KLRD1: variants seen among roughly 807,000 people sequenced by gnomAD.
KLRD1 encodes the protein natural killer cells antigen CD94.
A neutral mutation model predicts 22.6 loss-of-function variants in KLRD1; 21 were observed. That is an observed-to-expected ratio of 0.93 (90% CI 0.66 to 1.34). KLRD1 has a LOEUF of 1.34. Among genes scored for constraint, KLRD1 ranks in the 40% most tolerant of loss-of-function variants. The probability of loss-of-function intolerance (pLI) is 0.00; values close to 1 mark genes in which losing one functional copy is unlikely to be tolerated. For synonymous variants in KLRD1, 59 were observed against 71.1 expected (o/e 0.83, Z 0.85); for missense variants, 183 against 208.6 (o/e 0.88, Z 0.76).
chr12:10,241,338 A>G (rs1949239445), intron 1 of KLRD1, among the ~76,000 whole-genome samples: 1 of 152,200 alleles, frequency 6.6e-6, no homozygotes, highest in African/African-American at 2.4e-5. Context: ...TAATTAATGA[A>G]TAAACTCAGG....
At chr12:10,268,365 A>G (rs1949518975) in intron 1 of KLRD1, among the ~76,000 whole-genome samples, 1 of 152,202 alleles carries the variant, frequency 6.6e-6, no homozygotes, top group African/African-American at 2.4e-5. Context: ...AGTAAGGACC[A>G]GGGCTGGGAA....
chr12:10,248,914 C>G (rs1404587375), intron 1 of KLRD1, among the ~76,000 whole-genome samples: 1 of 151,884 alleles, frequency 6.6e-6, no homozygotes, highest in Non-Finnish European at 1.5e-5. Context: ...ATACTTTCCG[C>G]TTGATGATTG....
intron 1 of KLRD1, among the ~76,000 whole-genome samples, chr12:10,271,551 G>A (rs1023436250): frequency 2.0e-5 from 3 of 152,052 alleles, no homozygotes; most frequent in African/African-American, 7.2e-5. Context: ...TGAATCTAGA[G>A]TTTTAAATGG....
upstream of KLRD1, chr12:10,307,733 C>G: frequency 4.9e-6 from 1 of 204,054 alleles, no homozygotes; most frequent in Middle Eastern, 1.7e-3. Flanking sequence ...AAAAACAAAA[C>G]AGCAACAAAA....
chr12:10,256,042 C>T (rs963836576), intron 1 of KLRD1, among the ~76,000 whole-genome samples: 9 of 151,956 alleles, frequency 5.9e-5, no homozygotes, highest in Non-Finnish European at 8.8e-5. Flanking sequence ...GTGATTTATT[C>T]TTGAGGAATT....
chr12:10,282,863 A>T (rs1565458449), intron 1 of KLRD1, among the ~76,000 whole-genome samples: 1 of 152,176 alleles, frequency 6.6e-6, no homozygotes, highest in African/African-American at 2.4e-5. Context: ...CTAAGACTGA[A>T]TGGTTTGTTT....
At position 10,316,466 on chromosome 12, in the gene KLRD1, A is replaced by G. The variant is rs1950232366; in HGVS notation, c.*1673A>G. On this transcript the variant is annotated 3_prime_UTR_variant, in exon 6 of 6. Coordinates refer to ENST00000336164, the MANE Select transcript of KLRD1 (RefSeq NM_002262.5). Reference sequence around the variant, plus strand: ...TGCCCAGGCTGTAGTGCAATGATGCAATCATGGTTCACTGCAGCTTCAACT... The same window carrying G: ...TGCCCAGGCTGTAGTGCAATGATGCGATCATGGTTCACTGCAGCTTCAACT... 6.6e-6 allele frequency: 1 copy of G among 151,964 alleles called. No individual in the cohort carries two copies. Among genetic ancestry groups the G allele is most frequent in the Non-Finnish European group, 1.5e-5 (1 of 68,016 alleles). 9.4% of individuals were successfully genotyped at this position (151,964 alleles called of 1,614,324 possible). A position where few individuals can be genotyped will look rare whatever the true frequency, so the allele number is the denominator to read the frequency against.
chr12:10,296,011 T>TC (rs2137672144), intron 1 of KLRD1, among the ~76,000 whole-genome samples: 1 of 152,316 alleles, frequency 6.6e-6, no homozygotes. Flanking sequence ...CTATAATTTA[T>TC]TTTTAAATTA....
intron 1 of KLRD1, among the ~76,000 whole-genome samples, chr12:10,268,432 G>C (rs1466545704): frequency 6.6e-6 from 1 of 152,180 alleles, no homozygotes; most frequent in Non-Finnish European, 1.5e-5. Flanking sequence ...AAGAAGAAAT[G>C]TCAAATAAGA....
At chr12:10,244,455 A>G (rs1446922783) in intron 1 of KLRD1, among the ~76,000 whole-genome samples, 2 of 152,158 alleles carry the variant, frequency 1.3e-5, no homozygotes, top group Admixed American at 6.5e-5. Context: ...AAACAAAGGA[A>G]AAAGTTTTCA....
rs568807523 is a variant in KLRD1, at chr12:10,239,173, T to C, written c.-101+12940T>C. Among the ~76,000 whole-genome samples, 397 of 152,356 alleles carry C rather than the reference T, an allele frequency of 2.6e-3. 2 individuals are homozygous for C. The highest frequency in any genetic ancestry group is 9.1e-3 in the African/African-American group (378 of 41,578). ...TTACAGTATCATGAGATGAGGCTTC[T>C]AATGGGCTGGTGGCCAAGGATGGGG... On this transcript the variant is annotated intron_variant, in intron 1 of 5. Transcript: ENST00000544747.
At chr12:10,265,178 A>C (rs993329709) in intron 1 of KLRD1, among the ~76,000 whole-genome samples, 3 of 152,182 alleles carry the variant, frequency 2.0e-5, no homozygotes, top group Admixed American at 6.5e-5. Flanking sequence ...AAATTTTTTC[A>C]AAATCTATTG....
rs1160687789 is a variant in KLRD1 at position 10,328,899 on chromosome 12, G to C, written c.*14106G>C. 6.6e-6 allele frequency: 1 copy of C among 152,216 alleles called. No homozygotes were observed. The highest frequency in any genetic ancestry group is 2.4e-5 in the African/African-American group (1 of 41,452). The allele number at this position is 152,216 out of a possible 1,614,324, so 9.4% of individuals were successfully genotyped here. On this transcript the variant is annotated 3_prime_UTR_variant, in exon 6 of 6. Coordinates refer to ENST00000336164, the MANE Select transcript of KLRD1 (RefSeq NM_002262.5). ...TGGCGGCAGACAAGAGAGAATGAAAGCCAAGCCAAAGGGGGTTTCCCCTTA... is the reference window on the plus strand; with the variant it reads ...TGGCGGCAGACAAGAGAGAATGAAACCCAAGCCAAAGGGGGTTTCCCCTTA...
At chr12:10,300,179 C>G (rs1007941137), upstream of KLRD1, among the ~76,000 whole-genome samples, 5 of 152,160 alleles carry the variant, frequency 3.3e-5, no homozygotes, top group African/African-American at 1.2e-4. Flanking sequence ...AATAGTGACT[C>G]CATCCCAGAA....
At chr12:10,274,327 A>C (rs368189677) in intron 1 of KLRD1, among the ~76,000 whole-genome samples, 2 of 152,202 alleles carry the variant, frequency 1.3e-5, no homozygotes, top group Non-Finnish European at 2.9e-5. Flanking sequence ...CAAAAATTAC[A>C]TCTAGTAGAT....
At position 10,307,973 on chromosome 12, in the gene KLRD1, T is replaced by A; in HGVS notation, c.-105T>A. 2 of 1,032,938 alleles carry A rather than the reference T, an allele frequency of 1.9e-6. No homozygotes were observed. Among genetic ancestry groups the A allele is most frequent in the Non-Finnish European group, 3.0e-6 (2 of 671,622 alleles). The allele number at this position is 1,032,938 out of a possible 1,614,324, so 64.0% of individuals were successfully genotyped here. ...TTGCTAAATTTCTTCATACTCAACTTTCAGATTCTTTAATCTCCAGCTCAG... is the reference window on the plus strand; with the variant it reads ...TTGCTAAATTTCTTCATACTCAACTATCAGATTCTTTAATCTCCAGCTCAG... On this transcript the variant is annotated 5_prime_UTR_variant, in exon 1 of 6. Coordinates refer to ENST00000336164, the MANE Select transcript of KLRD1 (RefSeq NM_002262.5).
Position 10,327,133 on chromosome 12 carries a change from C to T in KLRD1, c.*12340C>T, listed in dbSNP as rs1404791344. The T allele has an allele frequency of 6.6e-6, 1 of 152,068 alleles. No individual in the cohort carries two copies. Among genetic ancestry groups the T allele is most frequent in the Non-Finnish European group, 1.5e-5 (1 of 68,018 alleles). 9.4% of individuals were successfully genotyped at this position (152,068 alleles called of 1,614,324 possible). A position where few individuals can be genotyped will look rare whatever the true frequency, so the allele number is the denominator to read the frequency against. On this transcript the variant is annotated 3_prime_UTR_variant, in exon 6 of 6. Transcript: ENST00000336164. ...TTTGCAATATGGATGTTCATTTTTC[C>T]CGTCACTGTTTGTTGAAGAAACTGT...
At chr12:10,312,075 CAG>C (rs947295797) in intron 4 of KLRD1, among the ~76,000 whole-genome samples, 8 of 123,396 alleles carry the variant, frequency 6.5e-5, no homozygotes, top group African/African-American at 2.5e-4. Flanking sequence ...TTTTTTGAGA[CAG>C]AGTTTTACTC....
intron 1 of KLRD1, among the ~76,000 whole-genome samples, chr12:10,278,531 A>T (rs113526987): frequency 5.3e-5 from 8 of 152,314 alleles, no homozygotes; most frequent in African/African-American, 1.7e-4. Context: ...TCCACATATT[A>T]TGAATTCAAG....
Sources: gnomAD v4.1 joint callset for allele counts (sites outside exome capture counted in the v4.1 genomes callset) on GRCh38, gnomAD v4.1.1 for gene constraint, MANE v1.5 for transcripts, NCBI Gene and HGNC (gene_info 2026-07-23, HGNC 2026-07-21) for gene names.